RBPJ: variants seen among roughly 807,000 people sequenced by gnomAD.
The protein encoded by RBPJ is recombination signal binding protein for immunoglobulin kappa J region, also known as recombining binding protein suppressor of hairless.
A neutral mutation model predicts 67.8 loss-of-function variants in RBPJ; 9 were observed. The observed-to-expected ratio is 0.13, with a 90% CI of 0.08 to 0.23. RBPJ has a LOEUF of 0.23. Ranked by LOEUF, RBPJ falls within the 10% of genes least tolerant of loss-of-function variation. The probability of loss-of-function intolerance (pLI) is 1.00; values close to 1 mark genes in which losing one functional copy is unlikely to be tolerated. For synonymous variants in RBPJ, 198 were observed against 203.3 expected (o/e 0.97, Z 0.22); for missense variants, 305 against 595.6 (o/e 0.51, Z 5.08).
chr4:26,206,751 CAAA>C (rs34568281), intron 1 of RBPJ, among the ~76,000 whole-genome samples: 18 of 130,924 alleles, frequency 1.4e-4, no homozygotes, highest in Non-Finnish European at 1.8e-4. Context: ...TTCATACCCT[CAAA>C]AAAAAAAAAA....
At chr4:26,227,561 TC>T (rs141629057) in intron 1 of RBPJ, among the ~76,000 whole-genome samples, 6,425 of 152,254 alleles carry the variant, frequency 0.042, 190 homozygotes, top group Admixed American at 0.094. Context: ...ATTAAGACCC[TC>T]CACAGCCTGA....
intron 1 of RBPJ, among the ~76,000 whole-genome samples, chr4:26,339,154 A>T (rs1282007569): frequency 6.6e-6 from 1 of 150,558 alleles, no homozygotes; most frequent in Non-Finnish European, 1.5e-5. Context: ...AAATATAATT[A>T]TATTGTGTGT....
intron 1 of RBPJ, among the ~76,000 whole-genome samples, chr4:26,196,416 G>A (rs1717763987): frequency 6.6e-6 from 1 of 152,232 alleles, no homozygotes; most frequent in East Asian, 1.9e-4. Context: ...ATTAGTGGCT[G>A]CCTGGGACTG....
chr4:26,214,728 A>AAAGG (rs1718588093), intron 1 of RBPJ, among the ~76,000 whole-genome samples: 1 of 134,012 alleles, frequency 7.5e-6, no homozygotes, highest in South Asian at 2.6e-4. Context: ...AGAGAGAAAG[A>AAAGG]AAGAGGGAAG....
At chr4:26,338,780 T>G (rs34388070) in intron 1 of RBPJ, among the ~76,000 whole-genome samples, 76,542 of 151,338 alleles carry the variant, frequency 0.51, 19,503 homozygotes, top group Admixed American at 0.57. Flanking sequence ...TCACCATCTT[T>G]CCCAGGCTGG....
At chr4:26,377,399 A>G (rs574823072) in intron 1 of RBPJ, among the ~76,000 whole-genome samples, 4 of 152,310 alleles carry the variant, frequency 2.6e-5, no homozygotes, top group South Asian at 4.1e-4. Context: ...GACACTTTTC[A>G]GGTCTTGAAC....
At chr4:26,320,946 G>A, upstream of RBPJ, 1 of 1,612,328 alleles carries the variant, frequency 6.2e-7, no homozygotes, top group Non-Finnish European at 8.5e-7. Context: ...TGAGGAAAAA[G>A]GGAAGGGGCG....
chr4:26,153,502 G>C, the RBPJ span, among the ~76,000 whole-genome samples: 2 of 152,180 alleles, frequency 1.3e-5, no homozygotes, highest in Admixed American at 6.5e-5. Context: ...AGAAACACTG[G>C]AAGCAGTTGA....
intron 1 of RBPJ, among the ~76,000 whole-genome samples, chr4:26,225,920 G>T (rs1057477709): frequency 6.6e-6 from 1 of 152,074 alleles, no homozygotes; most frequent in Non-Finnish European, 1.5e-5. Flanking sequence ...CGCTGAGGTG[G>T]ATAGATCGCC....
chr4:26,173,355 C>T (rs1413813203), intron 1 of RBPJ, among the ~76,000 whole-genome samples: 12 of 152,044 alleles, frequency 7.9e-5, no homozygotes, highest in East Asian at 1.9e-4. Context: ...AGGCTGGTCT[C>T]GAACTCCTGA....
intron 3 of RBPJ, among the ~76,000 whole-genome samples, chr4:26,411,250 T>G (rs994125698): frequency 6.6e-6 from 1 of 151,726 alleles, no homozygotes; most frequent in Non-Finnish European, 1.5e-5. Context: ...GACTCTGTCT[T>G]TAAAATTAAA....
intron 2 of RBPJ, among the ~76,000 whole-genome samples, chr4:26,402,009 C>T (rs1732871313): frequency 1.3e-5 from 2 of 151,782 alleles, no homozygotes; most frequent in Non-Finnish European, 2.9e-5. Flanking sequence ...CTGCCTCAGC[C>T]TCCCGAGTAG....
At chr4:26,414,561 G>A (rs111990716) in intron 3 of RBPJ, among the ~76,000 whole-genome samples, 89 of 152,264 alleles carry the variant, frequency 5.8e-4, no homozygotes, top group African/African-American at 2.0e-3. Context: ...CCTCTAGAGA[G>A]ATATGGCATA....
chr4:26,307,388 A>G (rs1374333257), intron 1 of RBPJ, among the ~76,000 whole-genome samples: 1 of 152,142 alleles, frequency 6.6e-6, no homozygotes, highest in African/African-American at 2.4e-5. Flanking sequence ...TTCAGAAGTT[A>G]TTTTTCAGTT....
intron 3 of RBPJ, among the ~76,000 whole-genome samples, chr4:26,409,737 A>G (rs1487447377): frequency 6.6e-6 from 1 of 151,914 alleles, no homozygotes; most frequent in Non-Finnish European, 1.5e-5. Context: ...TGACCTTGTG[A>G]TCTGCCCGCC....
At chr4:26,320,569 TGAG>T, upstream of RBPJ, 1 of 561,584 alleles carries the variant, frequency 1.8e-6, no homozygotes, top group South Asian at 2.7e-5. Flanking sequence ...AAACACCCAT[TGAG>T]GAGGTGTTTC....
the RBPJ span, among the ~76,000 whole-genome samples, chr4:26,157,090 CA>C: frequency 0.011 from 447 of 41,776 alleles, 7 homozygotes; most frequent in East Asian, 0.075. Context: ...AACAAACAAA[CA>C]AACAAACAAA....
At chr4:26,139,292 G>T in the RBPJ span, among the ~76,000 whole-genome samples, 1 of 152,360 alleles carries the variant, frequency 6.6e-6, no homozygotes, top group South Asian at 2.1e-4. Context: ...AGTGCTTAGT[G>T]TAGTGCCCAG....
At chr4:26,379,863 A>G (rs1233763953) in intron 1 of RBPJ, among the ~76,000 whole-genome samples, 1 of 152,196 alleles carries the variant, frequency 6.6e-6, no homozygotes, top group Admixed American at 6.5e-5. Flanking sequence ...GGTGTGAGCC[A>G]TAGTGCCTAA....
Sources: gnomAD v4.1 joint callset for allele counts (sites outside exome capture counted in the v4.1 genomes callset) on GRCh38, gnomAD v4.1.1 for gene constraint, MANE v1.5 for transcripts, NCBI Gene and HGNC (gene_info 2026-07-23, HGNC 2026-07-21) for gene names.